Variants in UBN2 observed in about 807,000 individuals in gnomAD.
The protein encoded by UBN2 is ubinuclein-2.
UBN2 carries 35 observed loss-of-function variants against 120.2 expected under a neutral mutation model. That is an observed-to-expected ratio of 0.29 (90% CI 0.22 to 0.39). The LOEUF (loss-of-function observed/expected upper bound fraction) is 0.39, where lower values mean the gene tolerates loss of function less well. UBN2 is among the 10% of genes least tolerant of loss of function. The probability of loss-of-function intolerance (pLI) is 1.00; values close to 1 mark genes in which losing one functional copy is unlikely to be tolerated. For synonymous variants in UBN2, 661 were observed against 648.7 expected (o/e 1.02, Z -0.29); for missense variants, 1,693 against 1,663.2 (o/e 1.02, Z -0.31).
At chr7:139,269,992 T>C (rs1797219111) in intron 8 of UBN2, among the ~76,000 whole-genome samples, 1 of 152,092 alleles carries the variant, frequency 6.6e-6, no homozygotes, top group South Asian at 2.1e-4. Context: ...TTTTTTTCTG[T>C]AGGGACAGGG....
At chr7:139,320,086 A>G in the UBN2 span, among the ~76,000 whole-genome samples, 190 of 148,334 alleles carry the variant, frequency 1.3e-3, 1 homozygote, top group African/African-American at 4.3e-3. Context: ...AAAAAAAAAA[A>G]AGAGAGAAAT....
At chr7:139,261,073 G>A (rs1796916603) in intron 5 of UBN2, among the ~76,000 whole-genome samples, 179 bp from the exon 6 acceptor site, 1 of 151,960 alleles carries the variant, frequency 6.6e-6, no homozygotes, top group South Asian at 2.1e-4. Flanking sequence ...GCCTTTCGTG[G>A]GTGACATTCC....
At chr7:139,233,511 C>G (rs73466677) in intron 1 of UBN2, among the ~76,000 whole-genome samples, 2,935 of 152,242 alleles carry the variant, frequency 0.019, 101 homozygotes, top group African/African-American at 0.066. Flanking sequence ...AAGCACTGCA[C>G]ATGGTTTTTC....
downstream of UBN2, among the ~76,000 whole-genome samples, chr7:139,310,001 A>G (rs866641912): frequency 2.8e-4 from 43 of 152,134 alleles, no homozygotes; most frequent in Admixed American, 2.4e-3. Flanking sequence ...GGATAACATG[A>G]GTAAGTAAGT....
At chr7:139,268,661 G>C (rs1376138669) in intron 7 of UBN2, among the ~76,000 whole-genome samples, 2 of 152,020 alleles carry the variant, frequency 1.3e-5, no homozygotes, top group African/African-American at 4.8e-5. Context: ...TCACTCTGTT[G>C]CCCAGCCTGG....
At chr7:139,290,527 C>A (rs1797922927) in intron 15 of UBN2, among the ~76,000 whole-genome samples, 1 of 152,124 alleles carries the variant, frequency 6.6e-6, no homozygotes, top group Admixed American at 6.5e-5. Flanking sequence ...GCCTAAGGGA[C>A]TGGAAAGAAT....
chr7:139,259,418 G>C (rs916953600), intron 5 of UBN2, 48 bp downstream of exon 5: 2 of 1,599,596 alleles, frequency 1.3e-6, no homozygotes, highest in Non-Finnish European at 1.7e-6. Context: ...CAGTCTGACT[G>C]TCTCTCCCTT....
At chr7:139,310,930 G>A (rs1798439526), downstream of UBN2, among the ~76,000 whole-genome samples, 1 of 152,142 alleles carries the variant, frequency 6.6e-6, no homozygotes. Flanking sequence ...ATTGATGGGT[G>A]CTTAGGTTAC....
intron 15 of UBN2, among the ~76,000 whole-genome samples, chr7:139,289,343 G>C (rs1023344443): frequency 6.6e-6 from 1 of 151,760 alleles, no homozygotes; most frequent in African/African-American, 2.4e-5. Context: ...GACAGTTATG[G>C]CATAGTATCA....
Position 139,304,224 on chromosome 7 carries a change from A to G in UBN2, c.*6388A>G, listed in dbSNP as rs1393110189. On this transcript the variant is annotated 3_prime_UTR_variant, in exon 18 of 18. Coordinates refer to ENST00000473989, the MANE Select transcript of UBN2 (RefSeq NM_173569.4). ...TGTAGCCATTGCACCTTTGTAATTC[A>G]TGCTTCTTCAACCCATGAAAGAGGT... is the stretch of plus-strand genomic sequence containing the variant. The G allele has an allele frequency of 6.6e-6, 1 of 152,020 alleles. No homozygotes were observed. Among genetic ancestry groups the G allele is most frequent in the African/African-American group, 2.4e-5 (1 of 41,396 alleles). The allele number at this position is 152,020 out of a possible 1,614,324, so 9.4% of individuals were successfully genotyped here. A position where few individuals can be genotyped will look rare whatever the true frequency, so the allele number is the denominator to read the frequency against.
chr7:139,241,092 T>C (rs1796307345), intron 2 of UBN2, among the ~76,000 whole-genome samples: 1 of 152,082 alleles, frequency 6.6e-6, no homozygotes, highest in African/African-American at 2.4e-5. Context: ...GTAGGTAATA[T>C]ATGCCTTTTA....
At chr7:139,263,634 C>T (rs1042386978) in intron 6 of UBN2, among the ~76,000 whole-genome samples, 19 of 151,786 alleles carry the variant, frequency 1.3e-4, no homozygotes, top group East Asian at 3.9e-4. Flanking sequence ...ATTAGCCCCG[C>T]GTGGTGGCAG....
rs1171367393 is a variant in UBN2 at position 139,305,200 on chromosome 7, G to A, written c.*7364G>A. ...AAAAATAGCTTTGAATATTAATGTT[G>A]AATTCTTCTTTCTTGGTTTCCTTTA... is the stretch of plus-strand genomic sequence containing the variant. On this transcript the variant is annotated 3_prime_UTR_variant, in exon 18 of 18. Coordinates refer to ENST00000473989, the MANE Select transcript of UBN2 (RefSeq NM_173569.4). 1.3e-5 allele frequency: 2 copies of A among 152,132 alleles called. No homozygotes were observed. The highest frequency in any genetic ancestry group is 4.8e-5 in the African/African-American group (2 of 41,426). 9.4% of individuals were successfully genotyped at this position (152,132 alleles called of 1,614,324 possible).
intron 4 of UBN2, 140 bp from the exon 5 acceptor site, chr7:139,259,127 C>A: frequency 7.7e-7 from 1 of 1,295,690 alleles, no homozygotes; most frequent in Non-Finnish European, 1.0e-6. Context: ...TGCTCTTGAA[C>A]CCCAAGGATC....
In UBN2 at chr7:139,283,119, A is replaced by G. The variant is rs963582573; in HGVS notation, c.2214A>G (p.Ala738=). 2.5e-6 allele frequency: 4 copies of G among 1,612,752 alleles called. No individual in the cohort carries two copies. The African/African-American group carries it at 5.4e-5, about 22-fold the overall frequency. ...GCTCCAGCACAGCTGCCATTGCTGC[A>G]GCTAGCTCTAGCTCTGCACCAGCCC... ...PTSSSTAAIA[A]ASSSSAPAQE... is the part of the protein sequence containing the mutation. The change falls in exon 15 of 18, where the codon GCA becomes GCG. Residue 738 remains alanine (A), a synonymous_variant. Coordinates refer to ENST00000473989, the MANE Select transcript of UBN2 (RefSeq NM_173569.4).
intron 11 of UBN2, 117 bp from the exon 12 acceptor site, chr7:139,275,980 T>C (rs1797431290): frequency 7.7e-6 from 6 of 777,760 alleles, no homozygotes; most frequent in Non-Finnish European, 6.3e-6. Context: ...TTATAACTTT[T>C]ACTTGGTAAA....
chr7:139,236,944 A>G (rs1288892359), intron 1 of UBN2, 61 bp from the exon 2 acceptor site: 2 of 1,063,996 alleles, frequency 1.9e-6, no homozygotes, highest in South Asian at 1.5e-5. Flanking sequence ...TAAACAAACA[A>G]TAATAATATT....
chr7:139,232,368 C>T (rs1346584711), intron 1 of UBN2, among the ~76,000 whole-genome samples: 2 of 152,226 alleles, frequency 1.3e-5, no homozygotes, highest in Non-Finnish European at 2.9e-5. Flanking sequence ...GGGGACACGC[C>T]CCCCAGTCTG....
At position 139,231,517 on chromosome 7, in the gene UBN2, C is replaced by T. The variant is rs1245779353; in HGVS notation, c.33C>T (p.Ser11=). The change falls in exon 1 of 18, where the codon AGC becomes AGT. Residue 11 remains serine, a synonymous_variant. Transcript: ENST00000473989. ...AGCCGCGCAGAGTAGCGTTCATTAGCTTGTCACCGGTGCGGCGGCGCGAGG... is the reference window on the plus strand; with the variant it reads ...AGCCGCGCAGAGTAGCGTTCATTAGTTTGTCACCGGTGCGGCGGCGCGAGG... MAEPRRVAFI[S]LSPVRRREAE... 9.9e-6 allele frequency: 14 copies of T among 1,418,316 alleles called. No homozygotes were observed. The highest frequency in any genetic ancestry group is 2.8e-5 in the Admixed American group (1 of 35,962). The allele number at this position is 1,418,316 out of a possible 1,614,324, so 87.9% of individuals were successfully genotyped here. A position where few individuals can be genotyped will look rare whatever the true frequency, so the allele number is the denominator to read the frequency against.
Sources: gnomAD v4.1 joint callset for allele counts (sites outside exome capture counted in the v4.1 genomes callset) on GRCh38, gnomAD v4.1.1 for gene constraint, MANE v1.5 for transcripts, NCBI Gene and HGNC (gene_info 2026-07-23, HGNC 2026-07-21) for gene names.